The following CPSF2 variants were observed in gnomAD, a reference collection of about 807,000 sequenced individuals.
CPSF2 encodes the protein cleavage and polyadenylation specific factor 2.
In CPSF2, 51 loss-of-function variants were observed where a neutral mutation model predicts 84.2. The ratio of observed to expected loss-of-function variants is 0.61; its 90% CI spans 0.48 to 0.77. The LOEUF (loss-of-function observed/expected upper bound fraction) is 0.77, where lower values mean the gene tolerates loss of function less well. CPSF2 is among the 30% of genes least tolerant of loss of function. CPSF2 has a pLI of 0.00. For synonymous variants in CPSF2, 286 were observed against 311.9 expected, an observed-to-expected ratio of 0.92 and a Z score of 0.87; for missense variants, 641 against 929.4, an observed-to-expected ratio of 0.69 and a Z score of 4.03.
intron 7 of CPSF2, among the ~76,000 whole-genome samples, chr14:92,139,215 A>C (rs2069040957): frequency 6.6e-6 from 1 of 152,108 alleles, no homozygotes; most frequent in African/African-American, 2.4e-5. Flanking sequence ...CAGGAGATTG[A>C]GACCATCCTG....
At chr14:92,154,979 A>C (rs1009384201) in intron 10 of CPSF2, 144 bp from the exon 11 acceptor site, 1 of 607,942 alleles carries the variant, frequency 1.6e-6, no homozygotes, top group Non-Finnish European at 2.8e-6. Flanking sequence ...TATGTGGTCT[A>C]TTGTTGTTGA....
At chr14:92,154,171 T>A (rs1221647067) in intron 9 of CPSF2, 187 bp from the exon 10 acceptor site, 5 of 447,242 alleles carry the variant, frequency 1.1e-5, no homozygotes, top group Non-Finnish European at 2.0e-5. Flanking sequence ...GTGTGACAGC[T>A]CAATTTTAAT....
rs1416475484 is a variant in CPSF2 at position 92,168,507 on chromosome 14, A to G, written c.*6763A>G. 6.6e-6 allele frequency: 1 copy of G among 152,038 alleles called. No homozygotes were observed. The highest frequency in any genetic ancestry group is 1.5e-5 in the Non-Finnish European group (1 of 68,006). The allele number at this position is 152,038 out of a possible 1,614,324, so 9.4% of individuals were successfully genotyped here. On this transcript the variant is annotated 3_prime_UTR_variant, in exon 16 of 16. Transcript: ENST00000298875. ...TATACGCACATGCACACACAGCTCT[A>G]TTTTTTGGTGCTTTTCGTTCATTAT...
Position 92,155,152 on chromosome 14 carries a change from A to G in CPSF2, c.1271A>G (p.Asp424Gly), listed in dbSNP as rs760233017. The G allele has an allele frequency of 3.1e-6, 5 of 1,613,708 alleles. No homozygotes were observed. The Admixed American group carries it at 5.0e-5, about 16-fold the overall frequency. Reference sequence around the variant, plus strand: ...GATATAGATTCCAGTGATGAGAGTGATATTGAGGAAGATATTGACCAGCCA... The same window carrying G: ...GATATAGATTCCAGTGATGAGAGTGGTATTGAGGAAGATATTGACCAGCCA... ...EADIDSSDES[D>G]IEEDIDQPSA... is the part of the protein sequence containing the mutation. Residue 424 changes from aspartate (D) to glycine (G), a missense_variant, in exon 11 of 16, where the codon GAT (aspartate) becomes GGT (glycine). Asp to Gly is a moderately conservative substitution (Grantham distance 94). This residue lies in a region of CPSF2 where 430 missense variants were observed against 553.6 expected (regional missense o/e 0.78). Coordinates refer to ENST00000298875, the MANE Select transcript of CPSF2 (RefSeq NM_017437.3).
intron 9 of CPSF2, among the ~76,000 whole-genome samples, chr14:92,143,812 T>C (rs1159616631): frequency 6.6e-6 from 1 of 152,176 alleles, no homozygotes; most frequent in African/African-American, 2.4e-5. Context: ...TGTCTCATTA[T>C]GTTGCCATGG....
intron 14 of CPSF2, among the ~76,000 whole-genome samples, chr14:92,160,230 T>C (rs2069353920): frequency 6.6e-6 from 1 of 152,262 alleles, no homozygotes. Context: ...CCCAAAGTGC[T>C]GGGATTACAG....
At chr14:92,154,271 AG>A (rs1446041106) in intron 9 of CPSF2, 86 bp from the exon 10 acceptor site, 9 of 832,528 alleles carry the variant, frequency 1.1e-5, no homozygotes, top group Non-Finnish European at 1.7e-5. Context: ...AGAGCAATTT[AG>A]AGATGTGATG....
chr14:92,134,725 T>C (rs1361082980), intron 5 of CPSF2, among the ~76,000 whole-genome samples: 2 of 152,214 alleles, frequency 1.3e-5, no homozygotes, highest in Admixed American at 6.5e-5. Context: ...TGAAGTGCTA[T>C]GGCAGCAGAG....
At chr14:92,124,593 A>C (rs1308721866) in intron 1 of CPSF2, among the ~76,000 whole-genome samples, 1 of 152,174 alleles carries the variant, frequency 6.6e-6, no homozygotes, top group Non-Finnish European at 1.5e-5. Context: ...TGACAACATG[A>C]TGCTCTATAG....
intron 1 of CPSF2, among the ~76,000 whole-genome samples, chr14:92,123,421 C>T (rs77760921): frequency 0.022 from 3,315 of 148,006 alleles, 128 homozygotes; most frequent in African/African-American, 0.079. Flanking sequence ...TATTTGAGAC[C>T]GGGTCTCGCT....
chr14:92,149,256 G>A (rs1216450274), intron 9 of CPSF2, among the ~76,000 whole-genome samples: 4 of 151,974 alleles, frequency 2.6e-5, no homozygotes, highest in East Asian at 1.9e-4. Flanking sequence ...GTACATACAC[G>A]TCATTAAAAA....
At chr14:92,151,731 G>A (rs531172519) in intron 9 of CPSF2, among the ~76,000 whole-genome samples, 5 of 152,192 alleles carry the variant, frequency 3.3e-5, no homozygotes, top group African/African-American at 9.6e-5. Flanking sequence ...AAAGAGATTT[G>A]CAAAAATATA....
intron 9 of CPSF2, among the ~76,000 whole-genome samples, chr14:92,148,020 T>A (rs2069165279): frequency 1.3e-5 from 2 of 152,256 alleles, no homozygotes; most frequent in African/African-American, 4.8e-5. Context: ...CCACTGCTCC[T>A]GGCCTTAAAC....
intron 9 of CPSF2, among the ~76,000 whole-genome samples, chr14:92,147,537 A>G (rs1294905251): frequency 1.3e-5 from 2 of 152,218 alleles, no homozygotes; most frequent in Admixed American, 1.3e-4. Context: ...TTATAGCAAC[A>G]GGCATAAACT....
At chr14:92,138,998 T>C (rs2069037572) in intron 7 of CPSF2, among the ~76,000 whole-genome samples, 1 of 152,226 alleles carries the variant, frequency 6.6e-6, no homozygotes, top group Non-Finnish European at 1.5e-5. Context: ...ATTTAACTTT[T>C]GTGGAACAGT....
At chr14:92,154,224 G>A (rs939177561) in intron 9 of CPSF2, 134 bp from the exon 10 acceptor site, 2 of 596,630 alleles carry the variant, frequency 3.4e-6, no homozygotes, top group Non-Finnish European at 5.8e-6. Context: ...ATGGAAACTT[G>A]ATTAATTTCA....
chr14:92,169,872 C>T lies in CPSF2; in HGVS notation c.*8128C>T, dbSNP rs2069496941. 6.6e-6 allele frequency: 1 copy of T among 152,136 alleles called. No homozygotes were observed. Among genetic ancestry groups the T allele is most frequent in the African/African-American group, 2.4e-5 (1 of 41,408 alleles). The allele number at this position is 152,136 out of a possible 1,614,324, so 9.4% of individuals were successfully genotyped here. A position where few individuals can be genotyped will look rare whatever the true frequency, so the allele number is the denominator to read the frequency against. On this transcript the variant is annotated 3_prime_UTR_variant, in exon 16 of 16. Transcript: ENST00000298875. ...TCAGTGTAGGCCCAGCACAGTGGTT[C>T]ACACCTGTAATCCCAGCACCTTGGG...
At chr14:92,145,164 A>G (rs1423783649) in intron 9 of CPSF2, among the ~76,000 whole-genome samples, 3 of 152,240 alleles carry the variant, frequency 2.0e-5, no homozygotes, top group Admixed American at 2.0e-4. Flanking sequence ...AAACCTTAAC[A>G]TAGAACTGTA....
chr14:92,154,324 T>C, intron 9 of CPSF2, 34 bp from the exon 10 acceptor site: 1 of 1,512,162 alleles, frequency 6.6e-7, no homozygotes, highest in Non-Finnish European at 9.0e-7. Flanking sequence ...TATTAACATA[T>C]TAACATTTCC....
Sources: gnomAD v4.1 joint callset for allele counts (sites outside exome capture counted in the v4.1 genomes callset) on GRCh38, gnomAD v4.1.1 for gene constraint, gnomAD v4.1.1 regional missense constraint, MANE v1.5 for transcripts, NCBI Gene and HGNC (gene_info 2026-07-23, HGNC 2026-07-21) for gene names.